The following ITGB4 variants were observed in gnomAD, a reference collection of about 807,000 sequenced individuals.
ITGB4 encodes the protein integrin beta-4.
A neutral mutation model predicts 207.6 loss-of-function variants in ITGB4; 159 were observed. The observed-to-expected ratio is 0.77, with a 90% CI of 0.67 to 0.87. The LOEUF is 0.87. Among genes scored for constraint, ITGB4 ranks in the 40% least tolerant of loss-of-function variants. ITGB4 has a pLI of 0.00. For synonymous variants in ITGB4, 1,020 were observed against 1,062.7 expected, an observed-to-expected ratio of 0.96 and a Z score of 0.78; for missense variants, 2,278 against 2,546.8, an observed-to-expected ratio of 0.89 and a Z score of 2.27.
intron 35 of ITGB4, 88 bp from the exon 36 acceptor site, chr17:75,756,341 G>A (rs1205790238): frequency 6.2e-6 from 9 of 1,461,182 alleles, no homozygotes; most frequent in African/African-American, 4.2e-5. Flanking sequence ...TGATAACTAG[G>A]TCTCGATGGC....
intron 18 of ITGB4, among the ~76,000 whole-genome samples, chr17:75,738,184 A>G (rs1291551869): frequency 6.6e-6 from 1 of 151,976 alleles, no homozygotes; most frequent in Non-Finnish European, 1.5e-5. Flanking sequence ...CATAGCATGC[A>G]CCATCGCCCC....
chr17:75,731,180 C>G lies in ITGB4; in HGVS notation c.1093-66C>G. 1 of 1,611,522 alleles carries G rather than the reference C, an allele frequency of 6.2e-7. No homozygotes were observed. On this transcript the variant is annotated intron_variant, in intron 9 of 39. Transcript: ENST00000200181. The surrounding 1 kb of genome is among the most constrained non-coding windows in gnomAD (Gnocchi z 6.8). ...GATACCCCGCATGATGCCAGCCACA[C>G]TTGGAGGTTGGGGTGGAGCACAGAG...
Position 75,750,354 on chromosome 17 carries a change from G to A in ITGB4, c.3474+86G>A. The A allele has an allele frequency of 2.2e-6, 3 of 1,372,522 alleles. No homozygotes were observed. The highest frequency in any genetic ancestry group is 2.7e-5 in the South Asian group (2 of 73,382). 85.0% of individuals were successfully genotyped at this position (1,372,522 alleles called of 1,614,324 possible). A position where few individuals can be genotyped will look rare whatever the true frequency, so the allele number is the denominator to read the frequency against. The stretch of plus-strand genomic sequence containing the variant: ...GAAGAGGTGGGCCGTCCAAGGCCAG[G>A]GCCCCCTGAGAGAGAGCAGACAGTG... On this transcript the variant is annotated intron_variant, in intron 28 of 39. Transcript: ENST00000200181. This position sits in a 1 kb window ranked among gnomAD's most constrained non-coding sequence, Gnocchi z 5.5.
In ITGB4 at chr17:75,728,389, G is replaced by A; in HGVS notation, c.482G>A (p.Ser161Asn). ...TTTTGACATCCAGCTCGGGTCCTGA[G>A]CCAGCTCACCAGCGACTACACTATT... Reference protein sequence around the residue: ...KMGQNLARVLSQLTSDYTIGF... With the variant: ...KMGQNLARVLNQLTSDYTIGF... The change falls in exon 6 of 40, where the codon AGC becomes AAC. Residue 161 changes from serine to asparagine, a missense_variant. By Grantham distance (46) the Ser-to-Asn change is conservative. Coordinates refer to ENST00000200181, the MANE Select transcript of ITGB4 (RefSeq NM_000213.5). 6.2e-7 allele frequency: 1 copy of A among 1,614,116 alleles called. No individual in the cohort carries two copies. Among genetic ancestry groups the A allele is most frequent in the Non-Finnish European group, 8.5e-7 (1 of 1,179,972 alleles).
Position 75,731,491 on chromosome 17 carries a change from T to C in ITGB4, c.1215+123T>C, listed in dbSNP as rs1053748228. On this transcript the variant is annotated intron_variant, in intron 10 of 39. Coordinates refer to ENST00000200181, the MANE Select transcript of ITGB4 (RefSeq NM_000213.5). This position sits in a 1 kb window ranked among gnomAD's most constrained non-coding sequence, Gnocchi z 6.8. The stretch of plus-strand genomic sequence containing the variant: ...TCAGGCAGGCCTGGGTGCAGATCCC[T>C]GGGCCTAGCCGCTCGGATGAGCCTA... 1 of 1,044,618 alleles carries C rather than the reference T, an allele frequency of 9.6e-7. No individual in the cohort carries two copies. Among genetic ancestry groups the C allele is most frequent in the Non-Finnish European group, 1.4e-6 (1 of 715,216 alleles). 64.7% of individuals were successfully genotyped at this position (1,044,618 alleles called of 1,614,324 possible). A position where few individuals can be genotyped will look rare whatever the true frequency, so the allele number is the denominator to read the frequency against.
In ITGB4 at chr17:75,727,534, C is replaced by T. The variant is rs758821844; in HGVS notation, c.264+29C>T. On this transcript the variant is annotated intron_variant, in intron 4 of 39. Transcript: ENST00000200181. The surrounding 1 kb of genome is among the most constrained non-coding windows in gnomAD (Gnocchi z 6.0). ...CCTGGTGTGGGGACTGGGGTGGGGG[C>T]TCCCCATGCTCAGCCTGGCTATTTA... 1 of 1,607,654 alleles carries T rather than the reference C, an allele frequency of 6.2e-7. No homozygotes were observed. Among genetic ancestry groups the T allele is most frequent in the Non-Finnish European group, 8.5e-7 (1 of 1,175,968 alleles).
chr17:75,727,555 A>C lies in ITGB4; in HGVS notation c.264+50A>C. 6.2e-7 allele frequency: 1 copy of C among 1,600,774 alleles called. No individual in the cohort carries two copies. ...GGGGCTCCCCATGCTCAGCCTGGCT[A>C]TTTATGGGGGTGTATAGTGCCCCTT... is the stretch of plus-strand genomic sequence containing the variant. On this transcript the variant is annotated intron_variant, in intron 4 of 39. Transcript: ENST00000200181. This position sits in a 1 kb window ranked among gnomAD's most constrained non-coding sequence, Gnocchi z 6.0.
At chr17:75,724,862 G>A (rs901718611) in intron 2 of ITGB4, 80 bp downstream of exon 2, 119 of 1,212,816 alleles carry the variant, frequency 9.8e-5, no homozygotes, top group Non-Finnish European at 1.2e-4. Context: ...GGGATCTCAC[G>A]GTGTCTCACC....
Position 75,728,402 on chromosome 17 carries a change from C to A in ITGB4, c.495C>A (p.Ser165Arg), listed in dbSNP as rs75092172. 1 of 1,614,058 alleles carries A rather than the reference C, an allele frequency of 6.2e-7. No individual in the cohort carries two copies. The highest frequency in any genetic ancestry group is 8.5e-7 in the Non-Finnish European group (1 of 1,179,982). Reference sequence around the variant, plus strand: ...CTCGGGTCCTGAGCCAGCTCACCAGCGACTACACTATTGGATTTGGCAAGT... The same window carrying A: ...CTCGGGTCCTGAGCCAGCTCACCAGAGACTACACTATTGGATTTGGCAAGT... ...NLARVLSQLT[S>R]DYTIGFGKFV... Residue 165 changes from serine (S) to arginine (R), a missense_variant, in exon 6 of 40, where the codon AGC becomes AGA. Transcript: ENST00000200181.
At position 75,727,423 on chromosome 17, in the gene ITGB4, G is replaced by A. The variant is rs80338755; in HGVS notation, c.182G>A (p.Cys61Tyr). Residue 61 changes from cysteine (C) to tyrosine (Y), a missense_variant, in exon 4 of 40, where the codon TGC becomes TAC. Cys to Tyr is a radical substitution (Grantham distance 194, BLOSUM62 -2). Transcript: ENST00000200181. This position sits in a 1 kb window ranked among gnomAD's most constrained non-coding sequence, Gnocchi z 6.0. ...GGCCAGATGTTCAGGGACCGGCGCT[G>A]CAACACCCAGGCGGAGCTGCTGGCC... ...CTDEMFRDRR[C>Y]NTQAELLAAG... The A allele has an allele frequency of 1.4e-5, 22 of 1,614,052 alleles. No individual in the cohort carries two copies. The highest frequency in any genetic ancestry group is 5.0e-5 in the Admixed American group (3 of 60,024).
Position 75,732,300 on chromosome 17 carries a change from C to A in ITGB4, c.1454+61C>A. The A allele has an allele frequency of 6.6e-7, 1 of 1,526,488 alleles. No individual in the cohort carries two copies. The highest frequency in any genetic ancestry group is 1.1e-5 in the South Asian group (1 of 89,350). The allele number at this position is 1,526,488 out of a possible 1,614,324, so 94.6% of individuals were successfully genotyped here. Reference sequence around the variant, plus strand: ...AGTGGCCCCTGATGGGAAAGCTGGGCTCCTGCAGGGGCCTGGCCCTGGGTG... The same window carrying A: ...AGTGGCCCCTGATGGGAAAGCTGGGATCCTGCAGGGGCCTGGCCCTGGGTG... On this transcript the variant is annotated intron_variant, in intron 12 of 39. Coordinates refer to ENST00000200181, the MANE Select transcript of ITGB4 (RefSeq NM_000213.5). The surrounding 1 kb of genome is among the most constrained non-coding windows in gnomAD (Gnocchi z 5.3).
chr17:75,743,566 CT>C, intron 25 of ITGB4, 146 bp from the exon 26 acceptor site: 1 of 1,077,168 alleles, frequency 9.3e-7, no homozygotes. Context: ...TTCCGTTTCG[CT>C]CCTGTGCCCT....
chr17:75,753,932 G>A lies in ITGB4; in HGVS notation c.4276G>A (p.Gly1426Ser). Reference sequence around the variant, plus strand: ...GGACGACGGCGGCGCGGGCGGGAAGGGCGGCAGCCTGCCCCGCAGTGCGAC... The same window carrying A: ...GGACGACGGCGGCGCGGGCGGGAAGAGCGGCAGCCTGCCCCGCAGTGCGAC... ...PPDDGGAGGK[G>S]GSLPRSATPG... is the part of the protein sequence containing the mutation. Residue 1426 changes from glycine (G) to serine (S), a missense_variant, in exon 33 of 40, where the codon GGC becomes AGC. Physicochemically the swap from Gly to Ser is moderately conservative, Grantham distance 56. Coordinates refer to ENST00000200181, the MANE Select transcript of ITGB4 (RefSeq NM_000213.5). 4 of 1,283,066 alleles carry A rather than the reference G, an allele frequency of 3.1e-6. No homozygotes were observed. The highest frequency in any genetic ancestry group is 2.9e-6 in the Non-Finnish European group (3 of 1,021,336). 79.5% of individuals were successfully genotyped at this position (1,283,066 alleles called of 1,614,324 possible). A position where few individuals can be genotyped will look rare whatever the true frequency, so the allele number is the denominator to read the frequency against.
rs1404953267 is a variant in ITGB4, at chr17:75,729,474, G to A, written c.738+38G>A. ...AAGGGTGCTGCCAGCCTAGGCCAGGGGTGAGCACTTCTGGGCAAGGGCCTG... is the reference window on the plus strand; with the variant it reads ...AAGGGTGCTGCCAGCCTAGGCCAGGAGTGAGCACTTCTGGGCAAGGGCCTG... On this transcript the variant is annotated intron_variant, in intron 7 of 39. Transcript: ENST00000200181. The surrounding 1 kb of genome is among the most constrained non-coding windows in gnomAD (Gnocchi z 4.4). 1 of 1,605,022 alleles carries A rather than the reference G, an allele frequency of 6.2e-7. No individual in the cohort carries two copies. Among genetic ancestry groups the A allele is most frequent in the East Asian group, 2.2e-5 (1 of 44,614 alleles).
intron 26 of ITGB4, among the ~76,000 whole-genome samples, chr17:75,747,835 A>G (rs1027027550): frequency 6.6e-6 from 1 of 152,124 alleles, no homozygotes; most frequent in Non-Finnish European, 1.5e-5. Context: ...ACGTTTTTGA[A>G]GTATCCATGT....
rs182888921 is a variant in ITGB4, at chr17:75,754,872, C to G, written c.4558+57C>G. 4.1e-5 allele frequency: 66 copies of G among 1,612,018 alleles called. No homozygotes were observed. The African/African-American group carries it at 6.1e-4, about 15-fold the overall frequency. On this transcript the variant is annotated intron_variant, in intron 34 of 39. Coordinates refer to ENST00000200181, the MANE Select transcript of ITGB4 (RefSeq NM_000213.5). ...ACTAACCCTTCCTCTCTTCCAGCTCCTGGAGCCTCGGGCTTCTGTCTGCTG... is the reference window on the plus strand; with the variant it reads ...ACTAACCCTTCCTCTCTTCCAGCTCGTGGAGCCTCGGGCTTCTGTCTGCTG...
chr17:75,757,687 T>C lies in ITGB4; in HGVS notation c.*132T>C. 7.7e-7 allele frequency: 1 copy of C among 1,299,570 alleles called. No individual in the cohort carries two copies. The highest frequency in any genetic ancestry group is 1.5e-5 in the African/African-American group (1 of 68,900). The allele number at this position is 1,299,570 out of a possible 1,614,324, so 80.5% of individuals were successfully genotyped here. ...CCGCATGCACAGAGCAGGGGCTAGG[T>C]GTCTCCTGGGAGGCATGAAGGGGGC... On this transcript the variant is annotated 3_prime_UTR_variant, in exon 40 of 40. Transcript: ENST00000200181.
In ITGB4 at chr17:75,750,123, G is replaced by A. The variant is rs767317668; in HGVS notation, c.3329G>A (p.Arg1110Gln). 28 of 1,613,524 alleles carry A rather than the reference G, an allele frequency of 1.7e-5. No homozygotes were observed. Among genetic ancestry groups the A allele is most frequent in the Admixed American group, 3.3e-5 (2 of 60,004 alleles). ...CCTGACCCGTTAGATGAACTGGACC[G>A]GAGCTTCACGAGTCAGATGTTGTCA... Reference protein sequence around the residue: ...IIIRDPDELDRSFTSQMLSSQ... With the variant: ...IIIRDPDELDQSFTSQMLSSQ... Residue 1110 changes from arginine (R) to glutamine (Q), a missense_variant, in exon 28 of 40, where the codon CGG (arginine) becomes CAG (glutamine). Arg to Gln is a conservative substitution (Grantham distance 43). Transcript: ENST00000200181. This position sits in a 1 kb window ranked among gnomAD's most constrained non-coding sequence, Gnocchi z 5.5.
chr17:75,737,978 C>T (rs1369542693), intron 18 of ITGB4, among the ~76,000 whole-genome samples: 1 of 152,170 alleles, frequency 6.6e-6, no homozygotes, highest in Admixed American at 6.5e-5. Flanking sequence ...ACCATCCCCA[C>T]TCCTGCAGCT....
Sources: allele counts gnomAD v4.1 joint callset (sites outside exome capture counted in the v4.1 genomes callset), GRCh38; gene constraint gnomAD v4.1.1; non-coding constraint Gnocchi (gnomAD v3.1); transcripts MANE v1.5; gene names NCBI Gene and HGNC (gene_info 2026-07-23, HGNC 2026-07-21).